Variants in FBXO8 observed in about 807,000 individuals in gnomAD.
FBXO8 encodes F-box only protein 8.
FBXO8 carries 15 observed loss-of-function variants against 33.4 expected under a neutral mutation model. That is an observed-to-expected ratio of 0.45 (90% CI 0.30 to 0.69). The LOEUF is 0.69. Ranked by LOEUF, FBXO8 falls within the 30% of genes least tolerant of loss-of-function variation. The pLI is 0.08. For synonymous variants in FBXO8, 132 were observed against 131.5 expected, an observed-to-expected ratio of 1.00 and a Z score of -0.02; for missense variants, 274 against 380.3, an observed-to-expected ratio of 0.72 and a Z score of 2.32.
intron 1 of FBXO8, among the ~76,000 whole-genome samples, chr4:174,264,124 A>G (rs1418292918): frequency 6.6e-6 from 1 of 152,214 alleles, no homozygotes; most frequent in African/African-American, 2.4e-5. Context: ...AACTTGGAAA[A>G]AATACTAACT....
At position 174,262,766 on chromosome 4, in the gene FBXO8, T is replaced by G; in HGVS notation, c.327A>C (p.Gln109His). 1 of 1,612,886 alleles carries G rather than the reference T, an allele frequency of 6.2e-7. No individual in the cohort carries two copies. Among genetic ancestry groups the G allele is most frequent in the Non-Finnish European group, 8.5e-7 (1 of 1,179,038 alleles). Residue 109 changes from glutamine (Q) to histidine (H), a missense_variant and splice_region_variant, in exon 2 of 6, where the codon CAA (glutamine) becomes CAC (histidine). This residue lies in a region of FBXO8 where 186 missense variants were observed against 293.4 expected (regional missense o/e 0.63). Coordinates refer to ENST00000393674, the MANE Select transcript of FBXO8 (RefSeq NM_012180.3). The surrounding 1 kb of genome is among the most constrained non-coding windows in gnomAD (Gnocchi z 4.6). The part of the protein sequence containing the change: ...QDLANDELLW[Q>H]GLCKSTWGHC... ...CAACTTTGGTGGGTTTAACTTACCC[T>G]TGCCAGAGAAGTTCATCATTCGCAA...
At chr4:174,246,376 G>T (rs1374247606) in intron 3 of FBXO8, among the ~76,000 whole-genome samples, 1 of 151,974 alleles carries the variant, frequency 6.6e-6, no homozygotes, top group East Asian at 1.9e-4. Context: ...ATAGCTGAAG[G>T]ATACTAGAAT....
chr4:174,238,527 C>G (rs1049858468), intron 5 of FBXO8, among the ~76,000 whole-genome samples: 1 of 151,226 alleles, frequency 6.6e-6, no homozygotes, highest in African/African-American at 2.4e-5. Context: ...AGCATACAAA[C>G]ATACACATAT....
rs538187491 is a variant in FBXO8, at chr4:174,252,490, T to C, written c.456+7209A>G. On this transcript the variant is annotated intron_variant, in intron 3 of 5. Transcript: ENST00000393674. This position sits in a 1 kb window ranked among gnomAD's most constrained non-coding sequence, Gnocchi z 5.1. Reference sequence around the variant, plus strand: ...GGCTCCAGGTTGTTGGGCTCACAGATAGCATCACAGACCCAATTCTTTCTT... The same window carrying C: ...GGCTCCAGGTTGTTGGGCTCACAGACAGCATCACAGACCCAATTCTTTCTT... Among the ~76,000 whole-genome samples the C allele has an allele frequency of 1.3e-5, 2 of 152,294 alleles. No homozygotes were observed. Among genetic ancestry groups the C allele is most frequent in the South Asian group, 4.1e-4 (2 of 4,822 alleles).
rs1736330017 is a variant in FBXO8 at position 174,252,969 on chromosome 4, T to G, written c.456+6730A>C. Among the ~76,000 whole-genome samples, 1 of 152,066 alleles carries G rather than the reference T, an allele frequency of 6.6e-6. No individual in the cohort carries two copies. The highest frequency in any genetic ancestry group is 2.4e-5 in the African/African-American group (1 of 41,394). ...CTGGGCAACAGAGTGAGCCTCTGTC[T>G]CAAGAAAAATAAAAAATCTAAAAAA... is the stretch of plus-strand genomic sequence containing the variant. On this transcript the variant is annotated intron_variant, in intron 3 of 5. Coordinates refer to ENST00000393674, the MANE Select transcript of FBXO8 (RefSeq NM_012180.3). This position sits in a 1 kb window ranked among gnomAD's most constrained non-coding sequence, Gnocchi z 5.1.
In FBXO8 at chr4:174,253,048, G is replaced by A. The variant is rs913317618; in HGVS notation, c.456+6651C>T. On this transcript the variant is annotated intron_variant, in intron 3 of 5. Coordinates refer to ENST00000393674, the MANE Select transcript of FBXO8 (RefSeq NM_012180.3). This position sits in a 1 kb window ranked among gnomAD's most constrained non-coding sequence, Gnocchi z 4.5. ...TCATGAGTCAAGAGATAGATTACACGGATGCCATAAAAGCATCCTTCAAGG... is the reference window on the plus strand; with the variant it reads ...TCATGAGTCAAGAGATAGATTACACAGATGCCATAAAAGCATCCTTCAAGG... Among the ~76,000 whole-genome samples, 2 of 151,964 alleles carry A rather than the reference G, an allele frequency of 1.3e-5. No individual in the cohort carries two copies.
chr4:174,263,211 C>A lies in FBXO8; in HGVS notation c.-8-111G>T. 1.0e-6 allele frequency: 1 copy of A among 981,038 alleles called. No individual in the cohort carries two copies. Among genetic ancestry groups the A allele is most frequent in the East Asian group, 2.6e-5 (1 of 37,804 alleles). 60.8% of individuals were successfully genotyped at this position (981,038 alleles called of 1,614,324 possible). ...TTCATTTATCAGAATTAAAACTTCT[C>A]ATTAAAACCTACTAAAACCAGAAGT... On this transcript the variant is annotated intron_variant, in intron 1 of 5. Coordinates refer to ENST00000393674, the MANE Select transcript of FBXO8 (RefSeq NM_012180.3). The surrounding 1 kb of genome is among the most constrained non-coding windows in gnomAD (Gnocchi z 4.2).
intron 1 of FBXO8, among the ~76,000 whole-genome samples, chr4:174,268,669 C>T (rs1406911585): frequency 4.6e-5 from 7 of 152,148 alleles, no homozygotes; most frequent in Admixed American, 1.3e-4. Context: ...ATCTCCTGAC[C>T]TCGTGATCCG....
In FBXO8 at chr4:174,251,637, T is replaced by C. The variant is rs1429890483; in HGVS notation, c.456+8062A>G. On this transcript the variant is annotated intron_variant, in intron 3 of 5. Transcript: ENST00000393674. The surrounding 1 kb of genome is among the most constrained non-coding windows in gnomAD (Gnocchi z 4.2). ...CACATGCATATCCACACATACCATA[T>C]TACTCTCAAAAAAAAGAAAATCACC... 1.3e-5 allele frequency among the ~76,000 whole-genome samples: 2 copies of C among 152,056 alleles called. No homozygotes were observed. The highest frequency in any genetic ancestry group is 4.8e-5 in the African/African-American group (2 of 41,412).
rs1171648417 is a variant in FBXO8 at position 174,261,606 on chromosome 4, C to T, written c.329+1158G>A. Reference sequence around the variant, plus strand: ...AATAACATTTATTTTAAAGACTCCTCATTAACAGAATTTCCTCTCACGTAG... The same window carrying T: ...AATAACATTTATTTTAAAGACTCCTTATTAACAGAATTTCCTCTCACGTAG... On this transcript the variant is annotated intron_variant, in intron 2 of 5. Transcript: ENST00000393674. The surrounding 1 kb of genome is among the most constrained non-coding windows in gnomAD (Gnocchi z 4.1). 6.6e-6 allele frequency among the ~76,000 whole-genome samples: 1 copy of T among 151,912 alleles called. No homozygotes were observed. The highest frequency in any genetic ancestry group is 1.5e-5 in the Non-Finnish European group (1 of 67,846).
At position 174,272,999 on chromosome 4, in the gene FBXO8, C is replaced by T. The variant is rs1017778998; in HGVS notation, c.-8-9899G>A. 6.6e-6 allele frequency among the ~76,000 whole-genome samples: 1 copy of T among 152,078 alleles called. No individual in the cohort carries two copies. The highest frequency in any genetic ancestry group is 1.9e-4 in the East Asian group (1 of 5,188). ...GTCTGTAAAATAACAGAATATTTTC[C>T]TTCAAAAACACCAATGCCAGGCTGG... is the stretch of plus-strand genomic sequence containing the variant. On this transcript the variant is annotated intron_variant, in intron 1 of 5. Transcript: ENST00000393674. This position sits in a 1 kb window ranked among gnomAD's most constrained non-coding sequence, Gnocchi z 4.7.
In FBXO8 at chr4:174,239,159, G is replaced by C. The variant is rs1210717192; in HGVS notation, c.607C>G (p.His203Asp). 1 of 1,592,414 alleles carries C rather than the reference G, an allele frequency of 6.3e-7. No individual in the cohort carries two copies. Among genetic ancestry groups the C allele is most frequent in the African/African-American group, 1.4e-5 (1 of 73,778 alleles). Reference protein sequence around the residue: ...RDVLDDLVTLHNFRNQFLPNA... With the variant: ...RDVLDDLVTLDNFRNQFLPNA... ...GGCAAGAACTGATTTCTAAAATTAT[G>C]CAATGTTACAAGGTCATCCAAGACA... Residue 203 changes from histidine to aspartate, a missense_variant, in exon 5 of 6, where the codon CAT becomes GAT. Physicochemically the swap from His to Asp is moderately conservative, Grantham distance 81. Around this residue, in one of 2 missense-constraint regions of FBXO8, gnomAD observed 186 missense variants for 293.4 expected, o/e 0.63. Transcript: ENST00000393674.
rs1184137293 is a variant in FBXO8 at position 174,236,805 on chromosome 4, A to G, written c.*607T>C. 1.3e-5 allele frequency: 2 copies of G among 152,092 alleles called. No homozygotes were observed. Among genetic ancestry groups the G allele is most frequent in the Admixed American group, 1.3e-4 (2 of 15,272 alleles). The allele number at this position is 152,092 out of a possible 1,614,324, so 9.4% of individuals were successfully genotyped here. The stretch of plus-strand genomic sequence containing the variant: ...ATAAAAAATCAAATTATAAATTTAT[A>G]TTATAAAAATAACTGCCAGTTTTGC... On this transcript the variant is annotated 3_prime_UTR_variant, in exon 6 of 6. Coordinates refer to ENST00000393674, the MANE Select transcript of FBXO8 (RefSeq NM_012180.3).
In FBXO8 at chr4:174,246,565, G is replaced by T. The variant is rs952454427; in HGVS notation, c.457-5347C>A. Among the ~76,000 whole-genome samples, 4 of 151,206 alleles carry T rather than the reference G, an allele frequency of 2.6e-5. No homozygotes were observed. The East Asian group carries it at 8.0e-4, about 30-fold the overall frequency. ...TATTAGTACAAAGGAGGAAAAAATGGCAAAATTAAAGGGAAAAAAGAGAAA... is the reference window on the plus strand; with the variant it reads ...TATTAGTACAAAGGAGGAAAAAATGTCAAAATTAAAGGGAAAAAAGAGAAA... On this transcript the variant is annotated intron_variant, in intron 3 of 5. Coordinates refer to ENST00000393674, the MANE Select transcript of FBXO8 (RefSeq NM_012180.3).
At chr4:174,240,585 A>T (rs1736013503) in intron 4 of FBXO8, among the ~76,000 whole-genome samples, 1 of 2,370 alleles carries the variant, frequency 4.2e-4, no homozygotes, top group African/African-American at 1.3e-3. Flanking sequence ...ACTAACCATC[A>T]TCTCTGTGTA....
intron 3 of FBXO8, among the ~76,000 whole-genome samples, chr4:174,250,621 T>C (rs1736264348): frequency 6.6e-6 from 1 of 152,142 alleles, no homozygotes; most frequent in Admixed American, 6.6e-5. Context: ...TATATAGTTT[T>C]ATGGATAAAT....
At chr4:174,240,045 T>C (rs1163513795) in intron 4 of FBXO8, among the ~76,000 whole-genome samples, 1 of 151,052 alleles carries the variant, frequency 6.6e-6, no homozygotes, top group African/African-American at 2.4e-5. Flanking sequence ...CACTACTTTA[T>C]GTATTGTCTA....
At chr4:174,271,533 T>C (rs1373720990) in intron 1 of FBXO8, among the ~76,000 whole-genome samples, 1 of 152,150 alleles carries the variant, frequency 6.6e-6, no homozygotes, top group Non-Finnish European at 1.5e-5. Context: ...ATACATCACA[T>C]ATCTAGAATG....
rs1736728843 is a variant in FBXO8 at position 174,267,906 on chromosome 4, T to C, written c.-8-4806A>G. On this transcript the variant is annotated intron_variant, in intron 1 of 5. Transcript: ENST00000393674. The surrounding 1 kb of genome is among the most constrained non-coding windows in gnomAD (Gnocchi z 4.7). Reference sequence around the variant, plus strand: ...CAAAAAAAATTCAACACAAAATAAGTTTTTGTATTTGAAATCACTAGTTTT... The same window carrying C: ...CAAAAAAAATTCAACACAAAATAAGCTTTTGTATTTGAAATCACTAGTTTT... 6.6e-6 allele frequency among the ~76,000 whole-genome samples: 1 copy of C among 152,186 alleles called. No homozygotes were observed. Among genetic ancestry groups the C allele is most frequent in the Non-Finnish European group, 1.5e-5 (1 of 68,036 alleles).
Sources: gnomAD v4.1 joint callset for allele counts (sites outside exome capture counted in the v4.1 genomes callset) on GRCh38, gnomAD v4.1.1 for gene constraint, gnomAD v4.1.1 regional missense constraint, Gnocchi (gnomAD v3.1) non-coding constraint, MANE v1.5 for transcripts, NCBI Gene and HGNC (gene_info 2026-07-23, HGNC 2026-07-21) for gene names.